Variants in SCCPDH observed in about 807,000 individuals in gnomAD.
The protein encoded by SCCPDH is saccharopine dehydrogenase (putative), also known as saccharopine dehydrogenase-like oxidoreductase.
A neutral mutation model predicts 51.5 loss-of-function variants in SCCPDH; 34 were observed. The ratio of observed to expected loss-of-function variants is 0.66; its 90% CI spans 0.50 to 0.88. The LOEUF is 0.88. Ranked by LOEUF, SCCPDH falls within the 40% of genes least tolerant of loss-of-function variation. The pLI, the probability that SCCPDH is intolerant of heterozygous loss-of-function variation, is 0.00. For synonymous variants in SCCPDH, 187 were observed against 191.3 expected (o/e 0.98, Z 0.19); for missense variants, 464 against 527.1 (o/e 0.88, Z 1.17).
At chr1:246,766,694 T>G (rs1440758933) in intron 11 of SCCPDH, among the ~76,000 whole-genome samples, 1 of 152,230 alleles carries the variant, frequency 6.6e-6, no homozygotes, top group Non-Finnish European at 1.5e-5. Flanking sequence ...AATTTGTATA[T>G]AGTAAAATCT....
intron 10 of SCCPDH, 49 bp downstream of exon 10, chr1:246,764,406 C>A (rs1669060297): frequency 9.9e-7 from 1 of 1,011,806 alleles, no homozygotes; most frequent in Non-Finnish European, 1.5e-6. Context: ...TACTCTTAAG[C>A]TATAAAGTAC....
chr1:246,739,709 T>C (rs976492746), intron 3 of SCCPDH, among the ~76,000 whole-genome samples: 7 of 152,190 alleles, frequency 4.6e-5, no homozygotes, highest in Admixed American at 3.9e-4. Flanking sequence ...TAAACTGTTT[T>C]TAAAAAGGAA....
chr1:246,745,346 G>A (rs1668742126), intron 5 of SCCPDH, among the ~76,000 whole-genome samples: 1 of 152,198 alleles, frequency 6.6e-6, no homozygotes, highest in African/African-American at 2.4e-5. Context: ...AACAAATATT[G>A]TATAGTGGTG....
In SCCPDH at chr1:246,744,131, T is replaced by A; in HGVS notation, c.564+6T>A. ...CTATACATTCAGGACCTGAGGTTGG[T>A]TTTTTGGTTTGTCTTGTGTTGTTTC... On this transcript the variant is annotated splice_donor_region_variant and intron_variant, in intron 5 of 11. Coordinates refer to ENST00000366510, the MANE Select transcript of SCCPDH (RefSeq NM_016002.3). The A allele has an allele frequency of 6.3e-7, 1 of 1,578,558 alleles. No homozygotes were observed. The highest frequency in any genetic ancestry group is 8.7e-7 in the Non-Finnish European group (1 of 1,150,946).
At chr1:246,763,381 G>A (rs1213084378) in intron 9 of SCCPDH, among the ~76,000 whole-genome samples, 1 of 152,186 alleles carries the variant, frequency 6.6e-6, no homozygotes, top group Non-Finnish European at 1.5e-5. Context: ...TGGCATGTGT[G>A]TCTGACCTTG....
chr1:246,729,807 A>G (rs1290243490), intron 2 of SCCPDH, among the ~76,000 whole-genome samples: 1 of 151,698 alleles, frequency 6.6e-6, no homozygotes, highest in Non-Finnish European at 1.5e-5. Flanking sequence ...CAGAGATTGC[A>G]GTAAAGACAG....
intron 9 of SCCPDH, 69 bp downstream of exon 9, chr1:246,760,296 T>G: frequency 7.8e-7 from 1 of 1,286,516 alleles, no homozygotes; most frequent in South Asian, 1.3e-5. Context: ...CATCTAACAC[T>G]TGACAGGGCA....
intron 6 of SCCPDH, among the ~76,000 whole-genome samples, 161 bp downstream of exon 6, chr1:246,758,517 A>G (rs923837568): frequency 3.3e-5 from 5 of 152,196 alleles, no homozygotes; most frequent in Non-Finnish European, 5.9e-5. Flanking sequence ...ATCCATTACC[A>G]TATGCTTGAG....
intron 2 of SCCPDH, among the ~76,000 whole-genome samples, chr1:246,730,349 C>G (rs1457952545): frequency 6.6e-6 from 1 of 152,224 alleles, no homozygotes; most frequent in Non-Finnish European, 1.5e-5. Context: ...CTCCTGTCCA[C>G]CAGCTTCACC....
intron 1 of SCCPDH, 89 bp downstream of exon 1, chr1:246,724,701 C>A: frequency 8.5e-7 from 1 of 1,182,660 alleles, no homozygotes; most frequent in Non-Finnish European, 1.1e-6. Context: ...CGCAGGGATG[C>A]GCCCTACGTG....
intron 9 of SCCPDH, among the ~76,000 whole-genome samples, chr1:246,760,899 G>A (rs1669003142): frequency 6.6e-6 from 1 of 152,118 alleles, no homozygotes; most frequent in Non-Finnish European, 1.5e-5. Flanking sequence ...TCTCCTCTCA[G>A]TGGCTTTCTT....
intron 5 of SCCPDH, among the ~76,000 whole-genome samples, chr1:246,748,905 G>A (rs962655898): frequency 2.0e-5 from 3 of 152,212 alleles, no homozygotes; most frequent in Admixed American, 6.5e-5. Flanking sequence ...GCACCTGCTC[G>A]AGGATGAACA....
In SCCPDH at chr1:246,766,118, A is replaced by C. The variant is rs747548895; in HGVS notation, c.1163A>C (p.Asp388Ala). 1 of 1,612,698 alleles carries C rather than the reference A, an allele frequency of 6.2e-7. No homozygotes were observed. The highest frequency in any genetic ancestry group is 8.5e-7 in the Non-Finnish European group (1 of 1,178,996). ...MVQAAMTLLS[D>A]ASHLPKAGGV... ...CAGGCAGCCATGACTCTTCTAAGTGATGCTTCTCATCTGCCTAAGGCGTAA... is the reference window on the plus strand; with the variant it reads ...CAGGCAGCCATGACTCTTCTAAGTGCTGCTTCTCATCTGCCTAAGGCGTAA... Residue 388 changes from aspartate to alanine, a missense_variant, in exon 11 of 12, where the codon GAT becomes GCT. Coordinates refer to ENST00000366510, the MANE Select transcript of SCCPDH (RefSeq NM_016002.3).
chr1:246,741,846 C>T (rs933556897), intron 4 of SCCPDH, among the ~76,000 whole-genome samples: 5 of 152,144 alleles, frequency 3.3e-5, no homozygotes, highest in Non-Finnish European at 1.5e-5. Flanking sequence ...GCAGGTGGAT[C>T]ACCTGAGGTC....
At chr1:246,726,345 T>C (rs1445873122) in intron 1 of SCCPDH, among the ~76,000 whole-genome samples, 1 of 152,086 alleles carries the variant, frequency 6.6e-6, no homozygotes, top group African/African-American at 2.4e-5. Context: ...TAAGTGATTC[T>C]ACCGCCTCAG....
intron 1 of SCCPDH, 45 bp downstream of exon 1, chr1:246,724,657 G>A: frequency 7.1e-7 from 1 of 1,412,682 alleles, no homozygotes; most frequent in African/African-American, 1.5e-5. Context: ...GGCTGGGCCG[G>A]GGACCCCGCA....
Position 246,760,165 on chromosome 1 carries a change from C to G in SCCPDH, c.934-6C>G. 6.2e-7 allele frequency: 1 copy of G among 1,603,288 alleles called. No individual in the cohort carries two copies. The highest frequency in any genetic ancestry group is 1.4e-5 in the African/African-American group (1 of 74,010). ...AATATCACTGACGGTTTTTTTTTCCCTTTAGTTCCCATGGTTCTTCTCCTT... is the reference window on the plus strand; with the variant it reads ...AATATCACTGACGGTTTTTTTTTCCGTTTAGTTCCCATGGTTCTTCTCCTT... On this transcript the variant is annotated splice_region_variant and splice_polypyrimidine_tract_variant and intron_variant, in intron 8 of 11. Transcript: ENST00000366510.
At chr1:246,745,020 A>C (rs1005976824) in intron 5 of SCCPDH, among the ~76,000 whole-genome samples, 1 of 152,248 alleles carries the variant, frequency 6.6e-6, no homozygotes, top group African/African-American at 2.4e-5. Flanking sequence ...TCACTGGTGC[A>C]CAGTAAATGT....
At chr1:246,733,570 G>A in intron 2 of SCCPDH, among the ~76,000 whole-genome samples, 1 of 151,604 alleles carries the variant, frequency 6.6e-6, no homozygotes, top group Admixed American at 6.6e-5. Flanking sequence ...GCCTCCCAAA[G>A]TGCTGAGATT....
Sources: gnomAD v4.1 joint callset for allele counts (sites outside exome capture counted in the v4.1 genomes callset) on GRCh38, gnomAD v4.1.1 for gene constraint, MANE v1.5 for transcripts, NCBI Gene and HGNC (gene_info 2026-07-23, HGNC 2026-07-21) for gene names.